Variants in FAM178B observed in about 807,000 individuals in gnomAD.
FAM178B encodes the protein protein FAM178B.
FAM178B carries 82 observed loss-of-function variants against 91.7 expected under a neutral mutation model. The observed-to-expected ratio is 0.89, with a 90% confidence interval of 0.75 to 1.07. FAM178B has a LOEUF of 1.07. Among genes scored for constraint, FAM178B ranks in the 50% least tolerant of loss-of-function variants. The pLI, the probability that FAM178B is intolerant of heterozygous loss-of-function variation, is 0.00. For missense variants in FAM178B, 769 were observed against 846.7 expected (o/e 0.91, Z 1.14); for synonymous variants, 368 against 359.4 (o/e 1.02, Z -0.27).
chr2:96,931,578 G>C (rs540408077), intron 8 of FAM178B, among the ~76,000 whole-genome samples: 1 of 152,256 alleles, frequency 6.6e-6, no homozygotes, highest in East Asian at 1.9e-4. Flanking sequence ...ACTGGAGGCA[G>C]AACAGGCACA....
At chr2:96,938,458 A>G (rs1470861155) in intron 8 of FAM178B, among the ~76,000 whole-genome samples, 1 of 152,198 alleles carries the variant, frequency 6.6e-6, no homozygotes, top group Admixed American at 6.5e-5. Context: ...CACAGGGCCA[A>G]CAGACCTCAG....
At chr2:96,914,643 C>T (rs559870941) in intron 12 of FAM178B, among the ~76,000 whole-genome samples, 1 of 152,342 alleles carries the variant, frequency 6.6e-6, no homozygotes, top group South Asian at 2.1e-4. Context: ...GATCTCAGCA[C>T]TTTGGGAAGC....
intron 1 of FAM178B, among the ~76,000 whole-genome samples, chr2:96,975,851 C>G (rs1037795867): frequency 6.6e-6 from 1 of 152,196 alleles, no homozygotes; most frequent in African/African-American, 2.4e-5. Context: ...ATAACAAGCG[C>G]AGAAGGCTTG....
At chr2:96,972,725 G>T (rs1351331657) in intron 1 of FAM178B, 119 bp from the exon 2 acceptor site, 1 of 824,302 alleles carries the variant, frequency 1.2e-6, no homozygotes, top group Non-Finnish European at 1.9e-6. Flanking sequence ...TCCGCCCTGA[G>T]GACTGGCCTT....
chr2:96,962,525 T>A (rs1390097141), intron 5 of FAM178B, among the ~76,000 whole-genome samples: 3 of 151,960 alleles, frequency 2.0e-5, no homozygotes, highest in African/African-American at 4.8e-5. Flanking sequence ...CCTAAAACCA[T>A]CTTTTAAAGG....
chr2:96,980,708 C>G (rs6576999), intron 1 of FAM178B, among the ~76,000 whole-genome samples: 23 of 152,016 alleles, frequency 1.5e-4, no homozygotes, highest in Non-Finnish European at 3.4e-4. Flanking sequence ...AGCCTCCTTG[C>G]ATTTTTTAAT....
intron 8 of FAM178B, among the ~76,000 whole-genome samples, chr2:96,936,834 TAAC>T (rs945055798): frequency 2.0e-5 from 3 of 151,696 alleles, no homozygotes; most frequent in African/African-American, 4.8e-5. Flanking sequence ...TTTAAAAAAA[TAAC>T]AACAGGAGGG....
intron 14 of FAM178B, among the ~76,000 whole-genome samples, chr2:96,887,410 A>C (rs2080554067): frequency 6.6e-6 from 1 of 152,122 alleles, no homozygotes; most frequent in African/African-American, 2.4e-5. Flanking sequence ...GTTGTGCCTG[A>C]GGTGAGACTC....
At chr2:96,915,111 A>C (rs1559070169) in intron 12 of FAM178B, among the ~76,000 whole-genome samples, 1 of 146,022 alleles carries the variant, frequency 6.8e-6, no homozygotes, top group Non-Finnish European at 1.5e-5. Context: ...TCTATAACCA[A>C]ATTTTTTTTT....
chr2:96,923,678 G>A (rs1020903405), intron 9 of FAM178B, 95 bp from the exon 10 acceptor site: 4 of 870,372 alleles, frequency 4.6e-6, no homozygotes, highest in Non-Finnish European at 5.6e-6. Flanking sequence ...CCCTGAGGCT[G>A]CTCATCCGCT....
intron 8 of FAM178B, among the ~76,000 whole-genome samples, chr2:96,945,763 T>G (rs1230559057): frequency 6.6e-6 from 1 of 152,246 alleles, no homozygotes; most frequent in Non-Finnish European, 1.5e-5. Context: ...TCTTTAGTCC[T>G]GACTCCTGGC....
intron 13 of FAM178B, among the ~76,000 whole-genome samples, chr2:96,894,883 TC>T (rs2080787627): frequency 1.8e-5 from 1 of 56,194 alleles, no homozygotes. Flanking sequence ...CACCCAGTCA[TC>T]CCCCCCACAG....
At chr2:96,890,806 C>T (rs4907203) in intron 14 of FAM178B, among the ~76,000 whole-genome samples, 38,352 of 151,996 alleles carry the variant, frequency 0.25, 6,141 homozygotes, top group South Asian at 0.67. Context: ...TTAACTCTCC[C>T]ACAGGAAAAC....
At chr2:96,910,918 C>A (rs968648024) in intron 12 of FAM178B, among the ~76,000 whole-genome samples, 1 of 151,742 alleles carries the variant, frequency 6.6e-6, no homozygotes, top group African/African-American at 2.4e-5. Flanking sequence ...CAGGTGCACA[C>A]CACAATGCCC....
chr2:96,888,636 G>C (rs1184329035), intron 14 of FAM178B, among the ~76,000 whole-genome samples: 2 of 152,246 alleles, frequency 1.3e-5, no homozygotes, highest in Non-Finnish European at 2.9e-5. Flanking sequence ...CCAGCACAGG[G>C]ACAGACAACT....
chr2:96,924,275 A>G (rs560123715), intron 9 of FAM178B, among the ~76,000 whole-genome samples: 1 of 152,330 alleles, frequency 6.6e-6, no homozygotes, highest in African/African-American at 2.4e-5. Context: ...CATACACTGC[A>G]AAGTGCACCA....
At chr2:96,895,364 CCA>C (rs1350264313) in intron 13 of FAM178B, among the ~76,000 whole-genome samples, 1 of 152,214 alleles carries the variant, frequency 6.6e-6, no homozygotes, top group African/African-American at 2.4e-5. Context: ...AACACAAGGC[CCA>C]CACACTGCTT....
At chr2:96,970,391 A>T (rs552235035) in intron 4 of FAM178B, among the ~76,000 whole-genome samples, 7 of 152,260 alleles carry the variant, frequency 4.6e-5, no homozygotes, top group African/African-American at 1.7e-4. Flanking sequence ...CAGCCACAAA[A>T]CAGTCTGCTT....
At chr2:96,978,512 T>C (rs1327671234) in intron 1 of FAM178B, among the ~76,000 whole-genome samples, 1 of 152,192 alleles carries the variant, frequency 6.6e-6, no homozygotes, top group East Asian at 1.9e-4. Context: ...ACACCCAGTG[T>C]TTAGTTCCAC....
Sources: gnomAD v4.1 joint callset for allele counts (sites outside exome capture counted in the v4.1 genomes callset) on GRCh38, gnomAD v4.1.1 for gene constraint, MANE v1.5 for transcripts, NCBI Gene and HGNC (gene_info 2026-07-23, HGNC 2026-07-21) for gene names.